The following THSD7B variants were observed in gnomAD, a reference collection of about 807,000 sequenced individuals.
THSD7B encodes thrombospondin type 1 domain containing 7B, also known as thrombospondin type-1 domain-containing protein 7B.
Under a neutral mutation model 213.6 loss-of-function variants are expected in THSD7B, and 138 were observed. That is an observed-to-expected ratio of 0.65 (90% CI 0.56 to 0.74). The LOEUF (loss-of-function observed/expected upper bound fraction) is 0.74, where lower values mean the gene tolerates loss of function less well. THSD7B is among the 30% of genes least tolerant of loss of function. The pLI is 0.00. For missense variants in THSD7B, 1,931 were observed against 1,991.5 expected (o/e 0.97, Z 0.58); for synonymous variants, 742 against 687.0 (o/e 1.08, Z -1.25).
At chr2:137,445,833 C>A (rs150971073) in intron 14 of THSD7B, among the ~76,000 whole-genome samples, 19 of 151,852 alleles carry the variant, frequency 1.3e-4, no homozygotes, top group Admixed American at 6.6e-4. Flanking sequence ...TTGATCATTA[C>A]ACATTGCATG....
chr2:137,410,761 T>C (rs1381176504), intron 13 of THSD7B, among the ~76,000 whole-genome samples: 1 of 152,172 alleles, frequency 6.6e-6, no homozygotes, highest in African/African-American at 2.4e-5. Context: ...CCTATATATT[T>C]TATAACCAGC....
intron 3 of THSD7B, among the ~76,000 whole-genome samples, chr2:137,074,240 A>T: frequency 6.6e-6 from 1 of 152,022 alleles, no homozygotes; most frequent in Non-Finnish European, 1.5e-5. Flanking sequence ...GTAGGTCACT[A>T]AGGACTTGCT....
chr2:137,300,650 A>G (rs185939739), intron 12 of THSD7B, among the ~76,000 whole-genome samples: 279 of 152,314 alleles, frequency 1.8e-3, no homozygotes, highest in African/African-American at 6.6e-3. Flanking sequence ...GAGATGGATG[A>G]TTTATACGAA....
At chr2:137,486,231 G>C (rs1044479413) in intron 15 of THSD7B, among the ~76,000 whole-genome samples, 1 of 151,982 alleles carries the variant, frequency 6.6e-6, no homozygotes, top group Non-Finnish European at 1.5e-5. Context: ...ACCCATCAGT[G>C]TACTGTATTC....
rs1387270731 is a variant in THSD7B at position 137,115,231 on chromosome 2, A to G, written c.1307A>G (p.Gln436Arg). Reference protein sequence around the residue: ...VTGPVCGGGIQTREVYCAQSV... With the variant: ...VTGPVCGGGIRTREVYCAQSV... Reference sequence around the variant, plus strand: ...GGACCCGTGTGTGGCGGTGGGATCCAGACCCGGGAGGTGTACTGTGCCCAG... The same window carrying G: ...GGACCCGTGTGTGGCGGTGGGATCCGGACCCGGGAGGTGTACTGTGCCCAG... Residue 436 changes from glutamine to arginine, a missense_variant, in exon 5 of 28, where the codon CAG (glutamine) becomes CGG (arginine). Physicochemically the swap from Gln to Arg is conservative, Grantham distance 43. Transcript: ENST00000409968. 6.2e-7 allele frequency: 1 copy of G among 1,613,516 alleles called. No homozygotes were observed. Among genetic ancestry groups the G allele is most frequent in the Non-Finnish European group, 8.5e-7 (1 of 1,179,664 alleles).
chr2:137,272,090 A>C (rs1682758957), intron 10 of THSD7B, among the ~76,000 whole-genome samples: 1 of 152,102 alleles, frequency 6.6e-6, no homozygotes, highest in African/African-American at 2.4e-5. Flanking sequence ...ATAGGTGACT[A>C]ATATATTAAT....
chr2:137,667,926 C>T, intron 27 of THSD7B, 65 bp downstream of exon 27: 1 of 1,320,308 alleles, frequency 7.6e-7, no homozygotes, highest in South Asian at 1.4e-5. Context: ...ATACTTAAAA[C>T]AAGTATCTCA....
intron 2 of THSD7B, among the ~76,000 whole-genome samples, chr2:137,048,002 G>A (rs970743964): frequency 6.6e-6 from 1 of 152,066 alleles, no homozygotes; most frequent in Admixed American, 6.6e-5. Context: ...GTGGTTTGCC[G>A]CACCCATCAA....
chr2:136,967,277 G>A lies in THSD7B; in HGVS notation c.139+84960G>A, dbSNP rs569842811. Among the ~76,000 whole-genome samples, 16 of 152,240 alleles carry A rather than the reference G, an allele frequency of 1.1e-4. No homozygotes were observed. In the South Asian group the frequency reaches 2.3e-3, roughly 22 times the overall value. On this transcript the variant is annotated intron_variant, in intron 2 of 27. Coordinates refer to ENST00000409968, the MANE Select transcript of THSD7B (RefSeq NM_001316349.2). ...AGTTGTTTTCCTCACCTTTCTCCCT[G>A]GGAACTTGCTCATATTCCTGGGTTG...
At chr2:137,208,999 T>A (rs1312241350) in intron 7 of THSD7B, among the ~76,000 whole-genome samples, 2 of 152,074 alleles carry the variant, frequency 1.3e-5, no homozygotes, top group Non-Finnish European at 2.9e-5. Flanking sequence ...CCTAACCTTG[T>A]AGACATCATT....
intron 21 of THSD7B, among the ~76,000 whole-genome samples, chr2:137,643,382 C>T (rs1682973270): frequency 6.6e-6 from 1 of 152,172 alleles, no homozygotes; most frequent in South Asian, 2.1e-4. Context: ...AGAGTATTCT[C>T]ATAGAGATGT....
At chr2:137,199,003 T>C (rs1158574031) in intron 7 of THSD7B, among the ~76,000 whole-genome samples, 2 of 152,164 alleles carry the variant, frequency 1.3e-5, no homozygotes, top group African/African-American at 2.4e-5. Flanking sequence ...TCAGAGTAGA[T>C]GCTGTTAAGG....
chr2:137,088,421 G>A (rs1004701292), intron 3 of THSD7B, among the ~76,000 whole-genome samples: 4 of 151,776 alleles, frequency 2.6e-5, no homozygotes, highest in African/African-American at 9.7e-5. Flanking sequence ...TAATTGGCTA[G>A]CCACACATAG....
intron 14 of THSD7B, among the ~76,000 whole-genome samples, chr2:137,423,972 T>A (rs1346811440): frequency 2.0e-5 from 3 of 152,096 alleles, no homozygotes; most frequent in African/African-American, 7.2e-5. Flanking sequence ...AACATATAGA[T>A]TAATGAAACA....
At chr2:136,910,528 T>C (rs913911988) in intron 2 of THSD7B, among the ~76,000 whole-genome samples, 2 of 152,222 alleles carry the variant, frequency 1.3e-5, no homozygotes, top group Non-Finnish European at 2.9e-5. Context: ...ATTGACTTTG[T>C]ACAGATATAA....
At chr2:137,526,578 C>T (rs913967952) in intron 15 of THSD7B, among the ~76,000 whole-genome samples, 14 of 152,006 alleles carry the variant, frequency 9.2e-5, no homozygotes, top group African/African-American at 2.9e-4. Context: ...CGTACCACCA[C>T]ATCCCACTAA....
In THSD7B at chr2:136,998,909, G is replaced by GACACACACACACACAC. The variant is rs57138045; in HGVS notation, c.140-57476_140-57461dup. On this transcript the variant is annotated intron_variant, in intron 2 of 27. Transcript: ENST00000409968. Reference sequence around the variant, plus strand: ...TTTCATGCTCCTTGAATACCCAACAGACACACACACACACACACACACACA... The same window carrying GACACACACACACACAC: ...TTTCATGCTCCTTGAATACCCAACAGACACACACACACACACACACACACACACACACACACACACA... Among the ~76,000 whole-genome samples, 88 of 129,974 alleles carry GACACACACACACACAC rather than the reference G, an allele frequency of 6.8e-4. 1 individual carries two copies. The East Asian group carries it at 6.8e-3, about 10-fold the overall frequency. 85.3% of individuals were successfully genotyped at this position (129,974 alleles called of 152,430 possible).
intron 12 of THSD7B, among the ~76,000 whole-genome samples, chr2:137,295,129 G>A (rs1683429759): frequency 6.6e-6 from 1 of 151,750 alleles, no homozygotes; most frequent in African/African-American, 2.4e-5. Flanking sequence ...TTTACAATTG[G>A]CTCAATTTTC....
chr2:136,919,704 T>A (rs149574771), intron 2 of THSD7B, among the ~76,000 whole-genome samples: 2 of 152,310 alleles, frequency 1.3e-5, no homozygotes, highest in Admixed American at 1.3e-4. Flanking sequence ...TCCACCTGCT[T>A]GGCCCAGCAG....
Sources: gnomAD v4.1 joint callset for allele counts (sites outside exome capture counted in the v4.1 genomes callset) on GRCh38, gnomAD v4.1.1 for gene constraint, MANE v1.5 for transcripts, NCBI Gene and HGNC (gene_info 2026-07-23, HGNC 2026-07-21) for gene names.